The following CDC42EP3 variants were observed in gnomAD, a reference collection of about 807,000 sequenced individuals.
CDC42EP3 encodes the protein CDC42 effector protein (Rho GTPase binding) 3.
Under a neutral mutation model 15.5 loss-of-function variants are expected in CDC42EP3, and 4 were observed. The ratio of observed to expected loss-of-function variants is 0.26; its 90% CI spans 0.13 to 0.59. CDC42EP3 has a LOEUF of 0.59. Ranked by LOEUF, CDC42EP3 falls within the 20% of genes least tolerant of loss-of-function variation. The probability of loss-of-function intolerance (pLI) is 0.89; values close to 1 mark genes in which losing one functional copy is unlikely to be tolerated. For missense variants in CDC42EP3, 309 were observed against 311.2 expected, an observed-to-expected ratio of 0.99 and a Z score of 0.05; for synonymous variants, 145 against 130.3, an observed-to-expected ratio of 1.11 and a Z score of -0.77.
intron 1 of CDC42EP3, among the ~76,000 whole-genome samples, chr2:37,664,708 G>A (rs1234483237): frequency 6.6e-6 from 1 of 152,222 alleles, no homozygotes; most frequent in Non-Finnish European, 1.5e-5. Context: ...ATGAGATTCA[G>A]TCCCTATCCT....
rs1665307220 is a variant in CDC42EP3, at chr2:37,642,708, A to C, written c.*3115T>G. 6.6e-6 allele frequency: 1 copy of C among 152,162 alleles called. No individual in the cohort carries two copies. Among genetic ancestry groups the C allele is most frequent in the African/African-American group, 2.4e-5 (1 of 41,434 alleles). 9.4% of individuals were successfully genotyped at this position (152,162 alleles called of 1,614,324 possible). A position where few individuals can be genotyped will look rare whatever the true frequency, so the allele number is the denominator to read the frequency against. ...TCTGTTCTAAAATATTTATCAAGTT[A>C]ATTTATGGACTTATGGATTTTTTCC... On this transcript the variant is annotated 3_prime_UTR_variant, in exon 2 of 2. Transcript: ENST00000295324.
chr2:37,646,422 T>A lies in CDC42EP3; in HGVS notation c.166A>T (p.Ile56Phe), dbSNP rs1179097491. The change falls in exon 2 of 2, where the codon ATT becomes TTT. Residue 56 changes from isoleucine to phenylalanine, a missense_variant. Ile to Phe is a conservative substitution (Grantham distance 21, BLOSUM62 0). Transcript: ENST00000295324. ...KEGQHDVFGD[I>F]SFLQGNYELL... ...TCGTAGTTCCCTTGAAGAAAGGAAA[T>A]ATCTCCAAAGACATCGTGCTGGCCC... The A allele has an allele frequency of 2.5e-6, 4 of 1,613,940 alleles. No individual in the cohort carries two copies. The highest frequency in any genetic ancestry group is 3.3e-5 in the Admixed American group (2 of 60,002).
chr2:37,669,479 G>A (rs1228924664), intron 1 of CDC42EP3, among the ~76,000 whole-genome samples: 1 of 152,150 alleles, frequency 6.6e-6, no homozygotes, highest in Non-Finnish European at 1.5e-5. Flanking sequence ...ACTTAAATGT[G>A]CAATAAAAAG....
intron 1 of CDC42EP3, among the ~76,000 whole-genome samples, chr2:37,648,582 C>T (rs555310894): frequency 6.6e-6 from 1 of 152,302 alleles, no homozygotes; most frequent in South Asian, 2.1e-4. Context: ...CAGCCCCACT[C>T]GGGCTTTGGG....
Position 37,646,016 on chromosome 2 carries a change from C to A in CDC42EP3, c.572G>T (p.Ser191Ile), listed in dbSNP as rs148928307. 121 of 1,613,724 alleles carry A rather than the reference C, an allele frequency of 7.5e-5. No homozygotes were observed. The highest frequency in any genetic ancestry group is 9.6e-5 in the Non-Finnish European group (113 of 1,179,858). ...CCAGTCGGGGTACTGTTCGGACAGG[C>A]TGGAGGAGTGGCTGTCTCTGCCTTG... ...SSQGRDSHSS[S>I]LSEQYPDWPA... Residue 191 changes from serine (S) to isoleucine (I), a missense_variant, in exon 2 of 2, where the codon AGC becomes ATC. Ser to Ile is a moderately radical substitution (Grantham distance 142). Transcript: ENST00000295324.
At chr2:37,664,156 A>G (rs1247400422) in intron 1 of CDC42EP3, among the ~76,000 whole-genome samples, 3 of 152,172 alleles carry the variant, frequency 2.0e-5, no homozygotes, top group Non-Finnish European at 4.4e-5. Context: ...CCTGGGCGAC[A>G]GAGTGAGACT....
chr2:37,671,240 T>A (rs994171156), intron 1 of CDC42EP3, among the ~76,000 whole-genome samples, 186 bp downstream of exon 1: 5 of 152,182 alleles, frequency 3.3e-5, no homozygotes, highest in African/African-American at 4.8e-5. Flanking sequence ...CCGGACCCCC[T>A]CCTGGCTTGC....
chr2:37,664,767 A>T (rs1259475483), intron 1 of CDC42EP3, among the ~76,000 whole-genome samples: 1 of 152,208 alleles, frequency 6.6e-6, no homozygotes, highest in East Asian at 1.9e-4. Flanking sequence ...AATCAGGAAC[A>T]TGGATGGAGT....
At position 37,662,092 on chromosome 2, in the gene CDC42EP3, AAAAGT is replaced by A. The variant is rs199671443; in HGVS notation, c.-236+9329_-236+9333del. Among the ~76,000 whole-genome samples, 1,134 of 152,324 alleles carry A rather than the reference AAAAGT, an allele frequency of 7.4e-3. 3 individuals carry two copies. The highest frequency in any genetic ancestry group is 0.011 in the Non-Finnish European group (762 of 68,022). The stretch of plus-strand genomic sequence containing the variant: ...AGGAAGTTTCCAAAAAAGAAAAAAA[AAAAGT>A]AATGTTTTTAAGGAAAGTAAGACTA... On this transcript the variant is annotated intron_variant, in intron 1 of 1. Transcript: ENST00000295324.
intron 1 of CDC42EP3, chr2:37,647,469 C>G (rs746231460): frequency 2.0e-5 from 3 of 152,132 alleles, no homozygotes; most frequent in South Asian, 2.1e-4. Flanking sequence ...ATTGGGCTGT[C>G]GAGGATGTCA....
intron 1 of CDC42EP3, among the ~76,000 whole-genome samples, chr2:37,663,946 G>A (rs765272183): frequency 6.6e-6 from 1 of 152,022 alleles, no homozygotes; most frequent in South Asian, 2.1e-4. Context: ...AGGCTGAGGC[G>A]GGCAGATCAT....
chr2:37,646,349 C>T lies in CDC42EP3; in HGVS notation c.239G>A (p.Gly80Glu), dbSNP rs767257119. The change falls in exon 2 of 2, where the codon GGG becomes GAG. Residue 80 changes from glycine to glutamate, a missense_variant. Physicochemically the swap from Gly to Glu is moderately conservative, Grantham distance 98. Coordinates refer to ENST00000295324, the MANE Select transcript of CDC42EP3 (RefSeq NM_006449.5). ...QEKAHLGQFP[G>E]HNEFFRANST... is the part of the protein sequence containing the mutation. ...GTTGGCCCGGAAGAACTCATTATGC[C>T]CAGGGAACTGGCCCAGGTGTGCTTT... The T allele has an allele frequency of 1.9e-6, 3 of 1,613,966 alleles. No individual in the cohort carries two copies. In the African/African-American group the frequency reaches 4.0e-5, roughly 22 times the overall value.
rs1289446034 is a variant in CDC42EP3 at position 37,642,948 on chromosome 2, T to C, written c.*2875A>G. The C allele has an allele frequency of 6.6e-6, 1 of 152,202 alleles. No homozygotes were observed. The highest frequency in any genetic ancestry group is 1.5e-5 in the Non-Finnish European group (1 of 68,028). The allele number at this position is 152,202 out of a possible 1,614,324, so 9.4% of individuals were successfully genotyped here. ...GCTAAGTATCCTGATATTTTGATCT[T>C]TTCAAGCAGATAATTTCAGGCAGAA... is the stretch of plus-strand genomic sequence containing the variant. On this transcript the variant is annotated 3_prime_UTR_variant, in exon 2 of 2. Coordinates refer to ENST00000295324, the MANE Select transcript of CDC42EP3 (RefSeq NM_006449.5).
intron 1 of CDC42EP3, among the ~76,000 whole-genome samples, chr2:37,654,465 C>T (rs1351063355): frequency 6.6e-6 from 1 of 151,898 alleles, no homozygotes; most frequent in Non-Finnish European, 1.5e-5. Flanking sequence ...CTAGAGCTAC[C>T]AAGCAGAAAC....
In CDC42EP3 at chr2:37,646,729, T is replaced by A. The variant is rs1220666299; in HGVS notation, c.-142A>T. On this transcript the variant is annotated 5_prime_UTR_variant, in exon 2 of 2. Transcript: ENST00000295324. ...CTTCAGAAGTGGCTTCGAAATGAGA[T>A]GGGGTCAAAGAGAACCTTCCTGAGG... 1 of 818,892 alleles carries A rather than the reference T, an allele frequency of 1.2e-6. No homozygotes were observed. The highest frequency in any genetic ancestry group is 2.0e-6 in the Non-Finnish European group (1 of 512,712). 50.7% of individuals were successfully genotyped at this position (818,892 alleles called of 1,614,324 possible).
intron 1 of CDC42EP3, among the ~76,000 whole-genome samples, chr2:37,658,673 A>G (rs1303639908): frequency 6.6e-6 from 1 of 152,096 alleles, no homozygotes; most frequent in Non-Finnish European, 1.5e-5. Flanking sequence ...AAACCCAGCT[A>G]TCATCCCAGC....
At chr2:37,653,374 C>T (rs997932905) in intron 1 of CDC42EP3, among the ~76,000 whole-genome samples, 9 of 152,146 alleles carry the variant, frequency 5.9e-5, no homozygotes, top group African/African-American at 2.2e-4. Context: ...TTGCACTAGG[C>T]TAGACAATTC....
intron 1 of CDC42EP3, among the ~76,000 whole-genome samples, chr2:37,657,001 C>CCCCCCCCCCCCCG (rs1208218676): frequency 3.9e-5 from 4 of 103,276 alleles, no homozygotes; most frequent in Middle Eastern, 4.2e-3. Flanking sequence ...CCCCCCGCCC[C>CCCCCCCCCCCCCG]CCGCCATCCT....
chr2:37,672,651 G>C (rs1482647431), upstream of CDC42EP3: 3 of 152,268 alleles, frequency 2.0e-5, no homozygotes, highest in Non-Finnish European at 4.4e-5. Flanking sequence ...GTCGGCCTGG[G>C]GAAGGAGTAG....
Sources: gnomAD v4.1 joint callset for allele counts (sites outside exome capture counted in the v4.1 genomes callset) on GRCh38, gnomAD v4.1.1 for gene constraint, MANE v1.5 for transcripts, NCBI Gene and HGNC (gene_info 2026-07-23, HGNC 2026-07-21) for gene names.